Variants in SPOCD1 observed in about 807,000 individuals in gnomAD.
SPOCD1 encodes the protein SPOC domain containing 1.
Under a neutral mutation model 92.2 loss-of-function variants are expected in SPOCD1, and 64 were observed. The ratio of observed to expected loss-of-function variants is 0.69; its 90% CI spans 0.57 to 0.86. SPOCD1 has a LOEUF of 0.86. SPOCD1 is among the 40% of genes least tolerant of loss of function. SPOCD1 has a pLI of 0.00. For missense variants in SPOCD1, 1,360 were observed against 1,543.1 expected (o/e 0.88, Z 1.99); for synonymous variants, 578 against 619.3 (o/e 0.93, Z 0.99).
rs371504218 is a variant in SPOCD1, at chr1:31,814,104, T to C, written c.1230A>G (p.Ser410=). ...SLDTEASRAC[S]GPFMEQRRSK... ...ATCTTCTCTGCTCCATGAATGGGCC[T>C]GAGCAGGCCCTGCTGGCTTCAGTAT... Residue 410 remains serine, a synonymous_variant, in exon 2 of 16, where the codon TCA becomes TCG. Transcript: ENST00000360482. This position sits in a 1 kb window ranked among gnomAD's most constrained non-coding sequence, Gnocchi z 4.2. 32 of 1,612,000 alleles carry C rather than the reference T, an allele frequency of 2.0e-5. No homozygotes were observed. The African/African-American group carries it at 4.1e-4, about 21-fold the overall frequency.
intron 2 of SPOCD1, among the ~76,000 whole-genome samples, chr1:31,809,944 A>C (rs1397627199): frequency 3.3e-5 from 5 of 152,080 alleles, no homozygotes; most frequent in Admixed American, 6.6e-5. Context: ...CTACTCCTGC[A>C]ACACTCCAAG....
rs750055730 is a variant in SPOCD1 at position 31,799,821 on chromosome 1, G to A, written c.1771C>T (p.Pro591Ser). The change falls in exon 6 of 16, where the codon CCA becomes TCA. Residue 591 changes from proline to serine, a missense_variant. By Grantham distance (74) the Pro-to-Ser change is moderately conservative. Coordinates refer to ENST00000360482, the MANE Select transcript of SPOCD1 (RefSeq NM_144569.7). ...CAGGGCCCTTCACCTGAGTCCTCTG[G>A]CTGCTCCGGAAGAGAATCCTCTTCA... ...EAEEDSLPEQ[P>S]EDSAQLQQEK... 1 of 1,614,028 alleles carries A rather than the reference G, an allele frequency of 6.2e-7. No individual in the cohort carries two copies.
At chr1:31,810,067 C>T (rs996376250) in intron 2 of SPOCD1, among the ~76,000 whole-genome samples, 1 of 152,136 alleles carries the variant, frequency 6.6e-6, no homozygotes, top group Non-Finnish European at 1.5e-5. Flanking sequence ...TTAGACAGCC[C>T]CCTCCTCTGC....
chr1:31,810,111 G>A lies in SPOCD1; in HGVS notation c.1383+3840C>T, dbSNP rs1339532309. On this transcript the variant is annotated intron_variant, in intron 2 of 15. Coordinates refer to ENST00000360482, the MANE Select transcript of SPOCD1 (RefSeq NM_144569.7). ...CCCCTCTGGACATCCACAGTCCACT[G>A]GGCTTCAGTCTGTATTTCAATTCTC... Among the ~76,000 whole-genome samples the A allele has an allele frequency of 2.8e-4, 43 of 151,958 alleles. 1 individual carries two copies. The highest frequency in any genetic ancestry group is 2.8e-3 in the Admixed American group (42 of 15,258).
intron 6 of SPOCD1, 106 bp from the exon 7 acceptor site, chr1:31,799,591 C>T: frequency 8.6e-7 from 1 of 1,158,606 alleles, no homozygotes; most frequent in Non-Finnish European, 1.3e-6. Context: ...GTCCCACCCT[C>T]AAAGACCTAG....
chr1:31,794,310 C>T, intron 10 of SPOCD1, 75 bp from the exon 11 acceptor site: 1 of 1,010,014 alleles, frequency 9.9e-7, no homozygotes, highest in African/African-American at 1.6e-5. Context: ...GGTAGGGGGC[C>T]CCAGGATGTG....
intron 2 of SPOCD1, among the ~76,000 whole-genome samples, chr1:31,802,917 G>A (rs1570179126): frequency 1.3e-5 from 2 of 151,984 alleles, no homozygotes; most frequent in South Asian, 2.1e-4. Flanking sequence ...ACTGGGTGCC[G>A]GGAAAGATGA....
chr1:31,804,873 A>T (rs1648710487), intron 2 of SPOCD1, among the ~76,000 whole-genome samples: 1 of 152,170 alleles, frequency 6.6e-6, no homozygotes, highest in South Asian at 2.1e-4. Flanking sequence ...GCTTGGAATT[A>T]GAGCATTCCA....
intron 2 of SPOCD1, among the ~76,000 whole-genome samples, chr1:31,807,041 T>C (rs1417163368): frequency 6.6e-6 from 1 of 151,888 alleles, no homozygotes; most frequent in African/African-American, 2.4e-5. Context: ...CACAATATCA[T>C]TAAGTTAGAA....
chr1:31,796,308 A>G (rs1049285368), intron 10 of SPOCD1: 27 of 502,600 alleles, frequency 5.4e-5, no homozygotes, highest in Middle Eastern at 5.5e-4. Context: ...CAGGTTGGGG[A>G]TGACTATGAT....
At chr1:31,800,197 C>G in intron 4 of SPOCD1, 56 bp from the exon 5 acceptor site, 2 of 1,530,742 alleles carry the variant, frequency 1.3e-6, no homozygotes, top group South Asian at 2.5e-5. Context: ...GGGACTGTTC[C>G]CTCCCCAGAT....
At chr1:31,793,167 A>G in intron 13 of SPOCD1, 111 bp downstream of exon 13, 1 of 1,336,016 alleles carries the variant, frequency 7.5e-7, no homozygotes, top group African/African-American at 1.5e-5. Context: ...AGGCACAGAA[A>G]GGGGTGCCCA....
chr1:31,800,738 G>T, intron 3 of SPOCD1, 121 bp from the exon 4 acceptor site: 1 of 881,160 alleles, frequency 1.1e-6, no homozygotes, highest in Non-Finnish European at 1.7e-6. Context: ...GCTCCGTGAG[G>T]ATAGAGAACA....
chr1:31,808,155 A>T (rs1381337209), intron 2 of SPOCD1, among the ~76,000 whole-genome samples: 1 of 152,134 alleles, frequency 6.6e-6, no homozygotes, highest in East Asian at 1.9e-4. Flanking sequence ...AGCTAGCAAA[A>T]CCCTGATACC....
chr1:31,791,986 G>A (rs1647626022), intron 15 of SPOCD1: 2 of 592,414 alleles, frequency 3.4e-6, no homozygotes, highest in South Asian at 4.0e-5. Context: ...CTCATAGGGT[G>A]ATGAGACTAC....
intron 2 of SPOCD1, among the ~76,000 whole-genome samples, chr1:31,809,630 AACTGTGTGATCTTGGGAAAGTTACTTAAT>A (rs1649069684): frequency 6.6e-6 from 1 of 152,084 alleles, no homozygotes; most frequent in African/African-American, 2.4e-5. Flanking sequence ...AACACTTAGG[AACTGTGTGATCTTGGGAAAGTTACTTAAT>A]CTCTCTGTGC....
At chr1:31,799,660 C>G (rs965869001) in intron 6 of SPOCD1, 149 bp downstream of exon 6, 2 of 1,118,934 alleles carry the variant, frequency 1.8e-6, no homozygotes, top group Non-Finnish European at 2.6e-6. Context: ...CCCACCCCTT[C>G]CCCCACCCCT....
chr1:31,795,188 A>C (rs955128373), intron 10 of SPOCD1: 1 of 152,188 alleles, frequency 6.6e-6, no homozygotes, highest in African/African-American at 2.4e-5. Context: ...TTTTTTCCTC[A>C]TACTAGAAAT....
chr1:31,798,380 G>C lies in SPOCD1; in HGVS notation c.2029-57C>G, dbSNP rs1273640671. 1.3e-6 allele frequency: 2 copies of C among 1,593,192 alleles called. No individual in the cohort carries two copies. The highest frequency in any genetic ancestry group is 1.7e-4 in the Middle Eastern group (1 of 5,986). ...ACGCTGAAAGAGCTCCCCCACCCTA[G>C]CATCCTGCAGGGGCTCTGAGATTCA... On this transcript the variant is annotated intron_variant, in intron 8 of 15. Coordinates refer to ENST00000360482, the MANE Select transcript of SPOCD1 (RefSeq NM_144569.7). This position sits in a 1 kb window ranked among gnomAD's most constrained non-coding sequence, Gnocchi z 4.1.
Sources: allele counts gnomAD v4.1 joint callset (sites outside exome capture counted in the v4.1 genomes callset), GRCh38; gene constraint gnomAD v4.1.1; non-coding constraint Gnocchi (gnomAD v3.1); transcripts MANE v1.5; gene names NCBI Gene and HGNC (gene_info 2026-07-23, HGNC 2026-07-21).